The following TSG101 variants were observed in gnomAD, a reference collection of about 807,000 sequenced individuals.
TSG101 encodes the protein tumor susceptibility gene 101 protein.
TSG101 carries 19 observed loss-of-function variants against 48.5 expected under a neutral mutation model. That is an observed-to-expected ratio of 0.39 (90% confidence interval 0.27 to 0.58). The LOEUF is 0.58. TSG101 is among the 20% of genes least tolerant of loss of function. The pLI is 0.55. For synonymous variants in TSG101, 174 were observed against 169.4 expected (o/e 1.03, Z -0.21); for missense variants, 365 against 484.4 (o/e 0.75, Z 2.31).
Position 18,483,952 on chromosome 11 carries a change from T to A in TSG101, c.761A>T (p.Asn254Ile), listed in dbSNP as rs534405220. 1 of 1,614,124 alleles carries A rather than the reference T, an allele frequency of 6.2e-7. No homozygotes were observed. Among genetic ancestry groups the A allele is most frequent in the African/African-American group, 1.3e-5 (1 of 74,946 alleles). The change falls in exon 8 of 10, where the codon AAT (asparagine) becomes ATT (isoleucine). Residue 254 changes from asparagine to isoleucine, a missense_variant. By Grantham distance (149) the Asn-to-Ile change is moderately radical. Coordinates refer to ENST00000251968, the MANE Select transcript of TSG101 (RefSeq NM_006292.4). ...GTCTTCTTCTGTTCGTTTCAAGGCATTGAGCTCTGCCTGGGCACGATCCAT... is the reference window on the plus strand; with the variant it reads ...GTCTTCTTCTGTTCGTTTCAAGGCAATGAGCTCTGCCTGGGCACGATCCAT... ...EEMDRAQAEL[N>I]ALKRTEEDLK...
At position 18,505,661 on chromosome 11, in the gene TSG101, G is replaced by T. The variant is rs535435084; in HGVS notation, c.548+1196C>A. Reference sequence around the variant, plus strand: ...CGTGTGTTAACAGACTGATTTCATTGTTAATTTAATTTAGTTACCTATGTT... The same window carrying T: ...CGTGTGTTAACAGACTGATTTCATTTTTAATTTAATTTAGTTACCTATGTT... On this transcript the variant is annotated intron_variant, in intron 6 of 9. Transcript: ENST00000251968. Among the ~76,000 whole-genome samples, 224 of 152,244 alleles carry T rather than the reference G, an allele frequency of 1.5e-3. 1 individual carries two copies. Among genetic ancestry groups the T allele is most frequent in the African/African-American group, 5.2e-3 (214 of 41,538 alleles).
At chr11:18,481,458 G>C in intron 9 of TSG101, 172 bp downstream of exon 9, 1 of 1,414,304 alleles carries the variant, frequency 7.1e-7, no homozygotes, top group Non-Finnish European at 9.2e-7. Context: ...CCAATCCTCA[G>C]TACTCTGTAG....
intron 7 of TSG101, among the ~76,000 whole-genome samples, chr11:18,502,056 AT>A (rs559521433): frequency 4.7e-4 from 71 of 152,328 alleles, no homozygotes; most frequent in African/African-American, 1.6e-3. Flanking sequence ...GAAGAAAATT[AT>A]ATTTCAGGTA....
rs1849585394 is a variant in TSG101 at position 18,484,077 on chromosome 11, A to G, written c.641-5T>C. ...TTGTGCCATCCCTACTGGGACCTGC[A>G]GGAAACAGAGGCAAAAAACACTTGC... On this transcript the variant is annotated splice_region_variant and splice_polypyrimidine_tract_variant and intron_variant, in intron 7 of 9. Transcript: ENST00000251968. 6.2e-7 allele frequency: 1 copy of G among 1,613,460 alleles called. No homozygotes were observed. Among genetic ancestry groups the G allele is most frequent in the African/African-American group, 1.3e-5 (1 of 75,028 alleles).
chr11:18,516,236 G>T, intron 2 of TSG101, 72 bp from the exon 3 acceptor site: 1 of 1,386,836 alleles, frequency 7.2e-7, no homozygotes, highest in Non-Finnish European at 1.0e-6. Context: ...CTTTCAGAAA[G>T]ACTGGTTAAA....
Position 18,481,835 on chromosome 11 carries a change from T to G in TSG101, c.878A>C (p.Lys293Thr), listed in dbSNP as rs1032005988. ...EVDKNIELLK[K>T]KDEELSSALE... The stretch of plus-strand genomic sequence containing the variant: ...AGCAGAACTGAGTTCTTCATCCTTC[T>G]TTTTCAAAAGTTCTATGTTTTTATC... The change falls in exon 9 of 10, where the codon AAG becomes ACG. Residue 293 changes from lysine (K) to threonine (T), a missense_variant. Physicochemically the swap from Lys to Thr is moderately conservative, Grantham distance 78 (BLOSUM62 -1). Coordinates refer to ENST00000251968, the MANE Select transcript of TSG101 (RefSeq NM_006292.4). 1.2e-6 allele frequency: 2 copies of G among 1,613,878 alleles called. No homozygotes were observed. Among genetic ancestry groups the G allele is most frequent in the Admixed American group, 1.7e-5 (1 of 60,014 alleles).
chr11:18,509,695 TAC>T (rs773201186), intron 4 of TSG101, 30 bp from the exon 5 acceptor site: 17 of 1,554,728 alleles, frequency 1.1e-5, no homozygotes, highest in Admixed American at 1.8e-5. Flanking sequence ...TCAAGTCAGC[TAC>T]AGAGTTGCTT....
chr11:18,506,583 G>A (rs1849977856), intron 6 of TSG101, among the ~76,000 whole-genome samples: 1 of 151,892 alleles, frequency 6.6e-6, no homozygotes, highest in African/African-American at 2.4e-5. Context: ...CCAACTGCTA[G>A]GGAGGCTGAG....
At chr11:18,499,348 A>G (rs1450062546) in intron 7 of TSG101, among the ~76,000 whole-genome samples, 6 of 84,820 alleles carry the variant, frequency 7.1e-5, no homozygotes. Context: ...ATGTATATTT[A>G]TATATGTTTA....
chr11:18,505,913 G>A (rs760377157), intron 6 of TSG101, among the ~76,000 whole-genome samples: 9 of 152,044 alleles, frequency 5.9e-5, no homozygotes, highest in Non-Finnish European at 1.2e-4. Context: ...TGCCTCCTGG[G>A]TTCAAGCAAT....
chr11:18,522,833 CTA>C (rs1262066463), intron 1 of TSG101, among the ~76,000 whole-genome samples: 3 of 152,218 alleles, frequency 2.0e-5, no homozygotes, highest in Non-Finnish European at 4.4e-5. Context: ...AAACTTCTGT[CTA>C]TGAGTCTTTG....
At chr11:18,522,092 A>C (rs898409512) in intron 1 of TSG101, among the ~76,000 whole-genome samples, 7 of 152,138 alleles carry the variant, frequency 4.6e-5, no homozygotes, top group Non-Finnish European at 8.8e-5. Context: ...ATCCTAACCA[A>C]TTATTATTGA....
intron 9 of TSG101, chr11:18,481,251 C>T: frequency 1.0e-6 from 1 of 980,588 alleles, no homozygotes; most frequent in Non-Finnish European, 1.2e-6. Flanking sequence ...AGTTATATAA[C>T]TCTAAGAAAA....
At chr11:18,512,477 G>A (rs1443228461) in intron 4 of TSG101, among the ~76,000 whole-genome samples, 1 of 152,116 alleles carries the variant, frequency 6.6e-6, no homozygotes, top group Non-Finnish European at 1.5e-5. Context: ...CCATTTTTAA[G>A]TCTGTGTCTG....
chr11:18,497,107 A>G (rs1377118481), intron 7 of TSG101, among the ~76,000 whole-genome samples: 2 of 152,114 alleles, frequency 1.3e-5, no homozygotes, highest in Admixed American at 6.5e-5. Flanking sequence ...CAACAACAAA[A>G]AAAACAAGGA....
chr11:18,480,401 C>G lies in TSG101; in HGVS notation c.*145G>C, dbSNP rs1385495481. On this transcript the variant is annotated 3_prime_UTR_variant, in exon 10 of 10. Coordinates refer to ENST00000251968, the MANE Select transcript of TSG101 (RefSeq NM_006292.4). ...TGCATTAATAAAAGCCAGTCTTTAC[C>G]AAAAGAAAACAGAAAATATATTATT... is the stretch of plus-strand genomic sequence containing the variant. 5.3e-5 allele frequency: 33 copies of G among 623,806 alleles called. No homozygotes were observed. The highest frequency in any genetic ancestry group is 7.8e-5 in the Non-Finnish European group (30 of 385,174). 38.6% of individuals were successfully genotyped at this position (623,806 alleles called of 1,614,324 possible).
intron 6 of TSG101, among the ~76,000 whole-genome samples, chr11:18,503,940 A>AGCTAGCC (rs1329350717): frequency 6.6e-6 from 1 of 152,154 alleles, no homozygotes; most frequent in Non-Finnish European, 1.5e-5. Flanking sequence ...GCAGTGGATC[A>AGCTAGCC]CACCTGTAAT....
At position 18,494,790 on chromosome 11, in the gene TSG101, C is replaced by A. The variant is rs562540702; in HGVS notation, c.640+7696G>T. 2.0e-5 allele frequency among the ~76,000 whole-genome samples: 3 copies of A among 152,078 alleles called. No individual in the cohort carries two copies. The East Asian group carries it at 5.8e-4, about 29-fold the overall frequency. ...GGGCTGGGTGCCTTGGGTGCCATAT[C>A]CTGAAAGTACAGTTTCTGTAGGCCA... On this transcript the variant is annotated intron_variant, in intron 7 of 9. Transcript: ENST00000251968.
intron 7 of TSG101, among the ~76,000 whole-genome samples, chr11:18,484,935 CTTTTTTTTTT>C (rs529154247): frequency 1.9e-5 from 2 of 108,018 alleles, no homozygotes; most frequent in Non-Finnish European, 3.4e-5. Flanking sequence ...TAATTGCCGC[CTTTTTTTTTT>C]TTTTTTTTTT....
Sources: allele counts gnomAD v4.1 joint callset (sites outside exome capture counted in the v4.1 genomes callset), GRCh38; gene constraint gnomAD v4.1.1; transcripts MANE v1.5; gene names NCBI Gene and HGNC (gene_info 2026-07-23, HGNC 2026-07-21).